The following PLEKHH1 variants were observed in gnomAD, a reference collection of about 807,000 sequenced individuals.
PLEKHH1 encodes pleckstrin homology domain-containing family H member 1.
Under a neutral mutation model 160.0 loss-of-function variants are expected in PLEKHH1, and 104 were observed. The observed-to-expected ratio is 0.65, with a 90% CI of 0.55 to 0.76. The LOEUF is 0.76. Among genes scored for constraint, PLEKHH1 ranks in the 30% least tolerant of loss-of-function variants. PLEKHH1 has a pLI of 0.00. For synonymous variants in PLEKHH1, 619 were observed against 678.4 expected, an observed-to-expected ratio of 0.91 and a Z score of 1.36; for missense variants, 1,427 against 1,724.1, an observed-to-expected ratio of 0.83 and a Z score of 3.05.
intron 9 of PLEKHH1, chr14:67,570,515 C>T (rs886651887): frequency 1.1e-4 from 18 of 156,658 alleles, no homozygotes; most frequent in Non-Finnish European, 2.3e-4. Flanking sequence ...CCTCTCACGT[C>T]GCTTTTCCCT....
intron 1 of PLEKHH1, among the ~76,000 whole-genome samples, chr14:67,538,495 C>T (rs1036862360): frequency 4.7e-4 from 72 of 152,192 alleles, no homozygotes; most frequent in Non-Finnish European, 2.2e-4. Flanking sequence ...TTCTGCTCAT[C>T]CTTGTGCATT....
In PLEKHH1 at chr14:67,583,798, G is replaced by A. The variant is rs567513076; in HGVS notation, c.3484G>A (p.Ala1162Thr). ...GCCAGGCCCTGGAGGCACATCCCCTGCCAAGGCTCAGCATCTTCTCCAGCA... is the reference window on the plus strand; with the variant it reads ...GCCAGGCCCTGGAGGCACATCCCCTACCAAGGCTCAGCATCTTCTCCAGCA... ...ALPGPGGTSP[A>T]KAQHLLQQVL... is the part of the protein sequence containing the mutation. The change falls in exon 25 of 29, where the codon GCC (alanine) becomes ACC (threonine). Residue 1162 changes from alanine to threonine, a missense_variant. Transcript: ENST00000329153. 3.0e-5 allele frequency: 49 copies of A among 1,612,768 alleles called. No individual in the cohort carries two copies. In the Admixed American group the frequency reaches 6.7e-4, roughly 22 times the overall value.
At chr14:67,583,691 C>A (rs751198297) in intron 24 of PLEKHH1, 50 bp from the exon 25 acceptor site, 114 of 1,493,398 alleles carry the variant, frequency 7.6e-5, no homozygotes, top group Non-Finnish European at 1.0e-4. Flanking sequence ...CCCCACCTGG[C>A]CCATCCACTG....
chr14:67,536,609 C>T (rs973669780), intron 1 of PLEKHH1, among the ~76,000 whole-genome samples: 11 of 151,858 alleles, frequency 7.2e-5, no homozygotes, highest in Admixed American at 1.3e-4. Context: ...TTTTAGGGTC[C>T]TGTATTGATT....
chr14:67,580,776 CT>C, intron 22 of PLEKHH1, 161 bp from the exon 23 acceptor site: 1 of 583,422 alleles, frequency 1.7e-6, no homozygotes, highest in Non-Finnish European at 3.1e-6. Flanking sequence ...CTGCTGCCAC[CT>C]TGGGTCCAGG....
At chr14:67,542,248 G>A (rs894012032) in intron 2 of PLEKHH1, among the ~76,000 whole-genome samples, 8 of 152,188 alleles carry the variant, frequency 5.3e-5, no homozygotes, top group African/African-American at 1.9e-4. Flanking sequence ...CATCACTTCC[G>A]GAGTCACCTG....
At position 67,577,388 on chromosome 14, in the gene PLEKHH1, C is replaced by T; in HGVS notation, c.2548C>T (p.Gln850Ter). Residue 850 changes from glutamine to a stop codon, truncating the protein, a stop_gained, in exon 18 of 29, where the codon CAG becomes TAG. Transcript: ENST00000329153. LOFTEE classifies it high-confidence loss of function. ...CACCACCCTGCCCTCTGAGGCCTTGCAGACGGAGGCCCTCAAGCTCTTCAA... is the reference window on the plus strand; with the variant it reads ...CACCACCCTGCCCTCTGAGGCCTTGTAGACGGAGGCCCTCAAGCTCTTCAA... ...SLTTLPSEAL[Q>*]TEALKLFKSC... 1 of 1,586,896 alleles carries T rather than the reference C, an allele frequency of 6.3e-7. No individual in the cohort carries two copies. Among genetic ancestry groups the T allele is most frequent in the Non-Finnish European group, 8.6e-7 (1 of 1,166,556 alleles).
At chr14:67,558,140 C>T (rs2034670028) in intron 4 of PLEKHH1, among the ~76,000 whole-genome samples, 4 of 152,204 alleles carry the variant, frequency 2.6e-5, no homozygotes, top group Non-Finnish European at 5.9e-5. Context: ...GTCCTGCCTT[C>T]TCCCCTTCAC....
intron 10 of PLEKHH1, 67 bp from the exon 11 acceptor site, chr14:67,572,068 C>G (rs2035407227): frequency 1.9e-6 from 3 of 1,538,486 alleles, no homozygotes; most frequent in African/African-American, 2.7e-5. Context: ...CAAGTCTCAG[C>G]AGCTCCTGGG....
chr14:67,548,185 T>C (rs1274548986), intron 2 of PLEKHH1, among the ~76,000 whole-genome samples: 2 of 152,200 alleles, frequency 1.3e-5, no homozygotes, highest in Non-Finnish European at 2.9e-5. Flanking sequence ...GCCACATAAA[T>C]GGATATTAAA....
intron 7 of PLEKHH1, among the ~76,000 whole-genome samples, chr14:67,564,148 G>T (rs538510607): frequency 6.6e-6 from 1 of 151,686 alleles, no homozygotes; most frequent in Non-Finnish European, 1.5e-5. Flanking sequence ...TGATCCGCCC[G>T]CCTCAGCCTC....
Position 67,574,472 on chromosome 14 carries a change from C to G in PLEKHH1, c.2088+69C>G. Reference sequence around the variant, plus strand: ...AATCAGGGGAGCCAGGATTGGGGTGCCGAGGGTGGTGGGTTCCCCCTTATA... The same window carrying G: ...AATCAGGGGAGCCAGGATTGGGGTGGCGAGGGTGGTGGGTTCCCCCTTATA... On this transcript the variant is annotated intron_variant, in intron 14 of 28. Transcript: ENST00000329153. The surrounding 1 kb of genome is among the most constrained non-coding windows in gnomAD (Gnocchi z 4.2). 7.7e-7 allele frequency: 1 copy of G among 1,299,874 alleles called. No homozygotes were observed. The highest frequency in any genetic ancestry group is 2.7e-4 in the Middle Eastern group (1 of 3,752). 80.5% of individuals were successfully genotyped at this position (1,299,874 alleles called of 1,614,324 possible).
intron 14 of PLEKHH1, among the ~76,000 whole-genome samples, 196 bp from the exon 15 acceptor site, chr14:67,575,196 C>A (rs2035567734): frequency 6.6e-6 from 1 of 152,078 alleles, no homozygotes; most frequent in Non-Finnish European, 1.5e-5. Flanking sequence ...CTGAATAGCC[C>A]ATGATGGCTG....
In PLEKHH1 at chr14:67,575,957, C is replaced by A; in HGVS notation, c.2304C>A (p.Pro768=). Residue 768 remains proline (P), a synonymous_variant, in exon 16 of 29, where the codon CCC becomes CCA. Transcript: ENST00000329153. ...CCCACTGCACCCTGGTGATCCACCCCACAGAGCACAGCCCCACCTACCTCC... is the reference window on the plus strand; with the variant it reads ...CCCACTGCACCCTGGTGATCCACCCAACAGAGCACAGCCCCACCTACCTCC... ...LSSHCTLVIH[P]TEHSPTYLLI... is the part of the protein sequence containing the mutation. 4.3e-6 allele frequency: 7 copies of A among 1,613,978 alleles called. No homozygotes were observed. The highest frequency in any genetic ancestry group is 1.3e-5 in the African/African-American group (1 of 75,052).
chr14:67,588,913 C>CTT lies in PLEKHH1; in HGVS notation c.*1681_*1682dup, dbSNP rs756103723. ...AAGAAGCACATCCAAGTTTCTGCCT[C>CTT]TTTTAAATGTACTTGACTTTGCAAG... On this transcript the variant is annotated 3_prime_UTR_variant, in exon 29 of 29. Coordinates refer to ENST00000329153, the MANE Select transcript of PLEKHH1 (RefSeq NM_020715.3). 2 of 152,590 alleles carry CTT rather than the reference C, an allele frequency of 1.3e-5. No homozygotes were observed. The highest frequency in any genetic ancestry group is 2.9e-5 in the Non-Finnish European group (2 of 68,028). The allele number at this position is 152,590 out of a possible 1,614,324, so 9.5% of individuals were successfully genotyped here. A position where few individuals can be genotyped will look rare whatever the true frequency, so the allele number is the denominator to read the frequency against.
At chr14:67,546,950 T>C (rs926321824) in intron 2 of PLEKHH1, among the ~76,000 whole-genome samples, 1 of 152,128 alleles carries the variant, frequency 6.6e-6, no homozygotes, top group Non-Finnish European at 1.5e-5. Context: ...CTGTCTACCC[T>C]ATTCCTCAGG....
Position 67,562,574 on chromosome 14 carries a change from G to T in PLEKHH1, c.943G>T (p.Val315Leu). 2 of 1,612,634 alleles carry T rather than the reference G, an allele frequency of 1.2e-6. No individual in the cohort carries two copies. The highest frequency in any genetic ancestry group is 1.3e-5 in the African/African-American group (1 of 75,018). Residue 315 changes from valine to leucine, a missense_variant, in exon 7 of 29, where the codon GTG (valine) becomes TTG (leucine). By Grantham distance (32) the Val-to-Leu change is conservative. Transcript: ENST00000329153. Reference sequence around the variant, plus strand: ...TGGCAGCAGTCTGACCCTACCAAAGGTGCGGGCTCCTGGCACCCCGCGGGA... The same window carrying T: ...TGGCAGCAGTCTGACCCTACCAAAGTTGCGGGCTCCTGGCACCCCGCGGGA... ...GPGSSLTLPK[V>L]RAPGTPRDSI...
rs1214132795 is a variant in PLEKHH1 at position 67,578,793 on chromosome 14, G to A, written c.2849+162G>A. 6.6e-6 allele frequency among the ~76,000 whole-genome samples: 1 copy of A among 152,180 alleles called. No homozygotes were observed. Among genetic ancestry groups the A allele is most frequent in the Non-Finnish European group, 1.5e-5 (1 of 68,038 alleles). On this transcript the variant is annotated intron_variant, in intron 20 of 28. Coordinates refer to ENST00000329153, the MANE Select transcript of PLEKHH1 (RefSeq NM_020715.3). This position sits in a 1 kb window ranked among gnomAD's most constrained non-coding sequence, Gnocchi z 5.0. ...CATTGCCGTGTGCACAAATGGGCAC[G>A]TGTGGATCTGGGCATGCTTAAGCTT...
intron 28 of PLEKHH1, chr14:67,586,444 A>G: frequency 7.7e-7 from 1 of 1,306,832 alleles, no homozygotes; most frequent in Non-Finnish European, 1.0e-6. Context: ...GGCAGGGCAG[A>G]TTCCTCTTTA....
Sources: allele counts gnomAD v4.1 joint callset (sites outside exome capture counted in the v4.1 genomes callset), GRCh38; gene constraint gnomAD v4.1.1; non-coding constraint Gnocchi (gnomAD v3.1); transcripts MANE v1.5; gene names NCBI Gene and HGNC (gene_info 2026-07-23, HGNC 2026-07-21).